Variants in TMEFF2 observed in about 807,000 individuals in gnomAD.
The protein encoded by TMEFF2 is tomoregulin-2.
Under a neutral mutation model 53.8 loss-of-function variants are expected in TMEFF2, and 28 were observed. The observed-to-expected ratio is 0.52, with a 90% CI of 0.39 to 0.71. The LOEUF (loss-of-function observed/expected upper bound fraction) is 0.71. Ranked by LOEUF, TMEFF2 falls within the 30% of genes least tolerant of loss-of-function variation. The probability of loss-of-function intolerance (pLI) is 0.00; values close to 1 mark genes in which losing one functional copy is unlikely to be tolerated. For synonymous variants in TMEFF2, 162 were observed against 166.3 expected (o/e 0.97, Z 0.20); for missense variants, 353 against 455.2 (o/e 0.78, Z 2.04).
At chr2:192,132,673 G>A (rs547309281) in intron 4 of TMEFF2, among the ~76,000 whole-genome samples, 34 of 152,228 alleles carry the variant, frequency 2.2e-4, no homozygotes, top group African/African-American at 7.0e-4. Flanking sequence ...CGTTCCTCCA[G>A]GCCCGCTTCC....
intron 4 of TMEFF2, among the ~76,000 whole-genome samples, chr2:192,059,755 T>C (rs1687999187): frequency 6.6e-6 from 1 of 152,112 alleles, no homozygotes; most frequent in Non-Finnish European, 1.5e-5. Flanking sequence ...AAAAGGGCAA[T>C]TATTGGTAAA....
At chr2:192,127,428 T>C (rs1368488538) in intron 4 of TMEFF2, among the ~76,000 whole-genome samples, 2 of 152,216 alleles carry the variant, frequency 1.3e-5, no homozygotes, top group Non-Finnish European at 2.9e-5. Context: ...CCTTCCTGCC[T>C]TCTCTCCTAC....
chr2:192,183,686 C>T (rs1691243381), intron 3 of TMEFF2, among the ~76,000 whole-genome samples: 1 of 151,992 alleles, frequency 6.6e-6, no homozygotes, highest in Non-Finnish European at 1.5e-5. Flanking sequence ...TAAGCTCTAA[C>T]AACCACTGTA....
intron 4 of TMEFF2, among the ~76,000 whole-genome samples, chr2:192,172,100 A>G (rs557605443): frequency 1.3e-5 from 2 of 151,866 alleles, no homozygotes; most frequent in East Asian, 3.9e-4. Flanking sequence ...GCTCACATCT[A>G]TGGTGATTAA....
intron 4 of TMEFF2, among the ~76,000 whole-genome samples, chr2:192,059,638 T>C (rs1687996810): frequency 6.6e-6 from 1 of 152,184 alleles, no homozygotes; most frequent in African/African-American, 2.4e-5. Context: ...TCTTCAGCAG[T>C]TGAGATCTTT....
chr2:192,179,831 G>C, intron 3 of TMEFF2, 137 bp from the exon 4 acceptor site: 2 of 614,556 alleles, frequency 3.3e-6, no homozygotes, highest in Non-Finnish European at 5.1e-6. Flanking sequence ...ATCCAAAAAC[G>C]TACATTCACA....
At chr2:191,964,018 A>G (rs1328291192) in intron 7 of TMEFF2, among the ~76,000 whole-genome samples, 1 of 152,150 alleles carries the variant, frequency 6.6e-6, no homozygotes, top group African/African-American at 2.4e-5. Flanking sequence ...TGTAAACAGA[A>G]TTGCTGTCGA....
intron 5 of TMEFF2, among the ~76,000 whole-genome samples, chr2:192,000,027 AT>A (rs1686318758): frequency 6.6e-6 from 1 of 152,248 alleles, no homozygotes; most frequent in African/African-American, 2.4e-5. Flanking sequence ...TTTAATGAGA[AT>A]TAGGTTACCT....
At chr2:192,058,227 G>A (rs922517858) in intron 4 of TMEFF2, among the ~76,000 whole-genome samples, 26 of 152,080 alleles carry the variant, frequency 1.7e-4, no homozygotes, top group Admixed American at 6.6e-5. Flanking sequence ...AAATTTAGAT[G>A]AGCATCCCTG....
chr2:192,098,530 G>C (rs930265908), intron 4 of TMEFF2, among the ~76,000 whole-genome samples: 1 of 152,184 alleles, frequency 6.6e-6, no homozygotes, highest in Non-Finnish European at 1.5e-5. Context: ...TGAGATTTAC[G>C]AATAAGGGAG....
chr2:191,959,081 CATTTT>C (rs979680014), intron 7 of TMEFF2, among the ~76,000 whole-genome samples: 1 of 152,120 alleles, frequency 6.6e-6, no homozygotes, highest in African/African-American at 2.4e-5. Flanking sequence ...AGCATTAAAA[CATTTT>C]AAATTATATA....
chr2:192,057,479 A>G (rs974858938), intron 5 of TMEFF2, among the ~76,000 whole-genome samples, 200 bp downstream of exon 5: 2 of 152,110 alleles, frequency 1.3e-5, no homozygotes, highest in African/African-American at 4.8e-5. Context: ...TTATCAAGTA[A>G]TGCCATGGAT....
chr2:192,057,539 C>A (rs1001046641), intron 5 of TMEFF2, 140 bp downstream of exon 5: 5 of 783,220 alleles, frequency 6.4e-6, no homozygotes, highest in Non-Finnish European at 1.0e-5. Context: ...ATTCCTTGCC[C>A]TCATTTTTTT....
At chr2:192,053,409 C>G (rs1690933511) in intron 5 of TMEFF2, among the ~76,000 whole-genome samples, 1 of 152,134 alleles carries the variant, frequency 6.6e-6, no homozygotes, top group South Asian at 2.1e-4. Context: ...CTAGATTTAA[C>G]CCAGTGGGAA....
intron 5 of TMEFF2, among the ~76,000 whole-genome samples, chr2:191,999,894 C>T (rs962449609): frequency 6.6e-6 from 1 of 151,264 alleles, no homozygotes; most frequent in Non-Finnish European, 1.5e-5. Flanking sequence ...TCCTATGAAA[C>T]CCCTTCCGAG....
chr2:192,191,641 C>T (rs1252063788), intron 2 of TMEFF2, among the ~76,000 whole-genome samples: 1 of 152,064 alleles, frequency 6.6e-6, no homozygotes, highest in Non-Finnish European at 1.5e-5. Context: ...TTTGACATCC[C>T]AAAAGCACAA....
At chr2:192,129,771 C>T (rs539392010) in intron 4 of TMEFF2, among the ~76,000 whole-genome samples, 1 of 152,198 alleles carries the variant, frequency 6.6e-6, no homozygotes, top group Non-Finnish European at 1.5e-5. Flanking sequence ...AGGCCCACAA[C>T]ACTGCATAAT....
At chr2:192,119,950 T>C (rs1050937769) in intron 4 of TMEFF2, among the ~76,000 whole-genome samples, 2 of 152,206 alleles carry the variant, frequency 1.3e-5, no homozygotes, top group Admixed American at 1.3e-4. Context: ...GAGTAATTTC[T>C]GGACCCTGTT....
intron 7 of TMEFF2, among the ~76,000 whole-genome samples, chr2:191,966,406 A>G (rs1692472411): frequency 6.6e-6 from 1 of 152,224 alleles, no homozygotes; most frequent in South Asian, 2.1e-4. Context: ...TCCTGAAAGG[A>G]AGAATTTATT....
Sources: gnomAD v4.1 joint callset for allele counts (sites outside exome capture counted in the v4.1 genomes callset) on GRCh38, gnomAD v4.1.1 for gene constraint, MANE v1.5 for transcripts, NCBI Gene and HGNC (gene_info 2026-07-23, HGNC 2026-07-21) for gene names.